The following PPP4R1 variants were observed in gnomAD, a reference collection of about 807,000 sequenced individuals.
PPP4R1 encodes protein phosphatase 4 regulatory subunit 1, also known as serine/threonine-protein phosphatase 4 regulatory subunit 1.
A neutral mutation model predicts 111.2 loss-of-function variants in PPP4R1; 42 were observed. The ratio of observed to expected loss-of-function variants is 0.38; its 90% CI spans 0.29 to 0.49. The LOEUF (loss-of-function observed/expected upper bound fraction) is 0.49, where lower values mean the gene tolerates loss of function less well. PPP4R1 is among the 20% of genes least tolerant of loss of function. The probability of loss-of-function intolerance (pLI) is 0.97; values close to 1 mark genes in which losing one functional copy is unlikely to be tolerated. For synonymous variants in PPP4R1, 409 were observed against 405.5 expected (o/e 1.01, Z -0.10); for missense variants, 1,012 against 1,161.6 (o/e 0.87, Z 1.87).
At chr18:9,603,108 TC>T (rs1304563814) in intron 2 of PPP4R1, among the ~76,000 whole-genome samples, 2 of 138,184 alleles carry the variant, frequency 1.4e-5, no homozygotes, top group African/African-American at 6.0e-5. Context: ...TTGTTTTCAC[TC>T]ATTTCATTCA....
chr18:9,588,123 T>G lies in PPP4R1; in HGVS notation c.551A>C (p.Asp184Ala). 6.2e-7 allele frequency: 1 copy of G among 1,614,188 alleles called. No individual in the cohort carries two copies. The highest frequency in any genetic ancestry group is 8.5e-7 in the Non-Finnish European group (1 of 1,180,040). The change falls in exon 6 of 20, where the codon GAT becomes GCT. Residue 184 changes from aspartate to alanine, a missense_variant. Transcript: ENST00000400556. ...CPVLIELTAP[D>A]SNDDVKTEAV... The stretch of plus-strand genomic sequence containing the variant: ...TTCTGTTTTCACATCATCATTGCTA[T>G]CTGGGGCTGTCAGCTCTATGAGGAC...
chr18:9,589,682 T>A (rs1403791707), intron 4 of PPP4R1: 1 of 152,196 alleles, frequency 6.6e-6, no homozygotes, highest in Non-Finnish European at 1.5e-5. Context: ...GCAGATCACT[T>A]GAGGTCAGGA....
At chr18:9,592,664 C>T (rs1201756233) in intron 4 of PPP4R1, among the ~76,000 whole-genome samples, 1 of 143,794 alleles carries the variant, frequency 7.0e-6, no homozygotes, top group African/African-American at 2.7e-5. Context: ...AATACACACA[C>T]ACACACTTAC....
At chr18:9,555,973 A>AAAACAAAC (rs886759220) in intron 15 of PPP4R1, among the ~76,000 whole-genome samples, 12 of 144,288 alleles carry the variant, frequency 8.3e-5, no homozygotes, top group African/African-American at 2.6e-4. Flanking sequence ...CATCTCTACT[A>AAAACAAAC]AAACAAACAA....
chr18:9,571,619 T>G (rs1330976705), intron 10 of PPP4R1, among the ~76,000 whole-genome samples: 1 of 152,000 alleles, frequency 6.6e-6, no homozygotes, highest in Non-Finnish European at 1.5e-5. Flanking sequence ...GAGTGAAGAT[T>G]AAAAGGCCTT....
Position 9,557,216 on chromosome 18 carries a change from G to A in PPP4R1, c.2190+5C>T, listed in dbSNP as rs2066602164. 3.2e-6 allele frequency: 5 copies of A among 1,565,088 alleles called. No homozygotes were observed. The highest frequency in any genetic ancestry group is 4.6e-5 in the East Asian group (2 of 43,238). ...TGTTTTTATGCAAAAAAATTTAAAA[G>A]TTACCTTCAGAAAATCATGCAAGTG... On this transcript the variant is annotated splice_donor_5th_base_variant and intron_variant, in intron 15 of 19. Transcript: ENST00000400556.
intron 6 of PPP4R1, among the ~76,000 whole-genome samples, chr18:9,585,966 T>C (rs1296154958): frequency 6.6e-6 from 1 of 152,034 alleles, no homozygotes; most frequent in East Asian, 1.9e-4. Flanking sequence ...CCCATGAAAA[T>C]CCCACCATCA....
At chr18:9,598,045 C>T (rs1296385101) in intron 2 of PPP4R1, among the ~76,000 whole-genome samples, 1 of 151,802 alleles carries the variant, frequency 6.6e-6, no homozygotes, top group Non-Finnish European at 1.5e-5. Context: ...ATGAAAAATA[C>T]ACGGGATGGG....
intron 8 of PPP4R1, 66 bp downstream of exon 8, chr18:9,584,449 C>T: frequency 7.4e-7 from 1 of 1,350,010 alleles, no homozygotes; most frequent in Non-Finnish European, 1.0e-6. Context: ...TAAATGTGTG[C>T]ATTTCAAACT....
chr18:9,605,692 G>C (rs2067470448), intron 2 of PPP4R1, among the ~76,000 whole-genome samples: 1 of 150,766 alleles, frequency 6.6e-6, no homozygotes, highest in African/African-American at 2.4e-5. Context: ...CTGAGAAATT[G>C]TTCCAAACTA....
At chr18:9,594,074 T>A (rs1361124250) in intron 3 of PPP4R1, 200 bp from the exon 4 acceptor site, 1 of 481,716 alleles carries the variant, frequency 2.1e-6, no homozygotes, top group Non-Finnish European at 3.8e-6. Context: ...ACTACAGGCA[T>A]GCACCACCAC....
chr18:9,561,378 A>G (rs930832827), intron 13 of PPP4R1, among the ~76,000 whole-genome samples: 2 of 152,070 alleles, frequency 1.3e-5, no homozygotes, highest in Non-Finnish European at 2.9e-5. Context: ...TACGATGGAG[A>G]CCACGGGTGT....
Position 9,614,426 on chromosome 18 carries a change from G to A in PPP4R1, c.7+52C>T, listed in dbSNP as rs1308521879. 1 of 1,016,936 alleles carries A rather than the reference G, an allele frequency of 9.8e-7. No individual in the cohort carries two copies. Among genetic ancestry groups the A allele is most frequent in the Non-Finnish European group, 1.2e-6 (1 of 851,670 alleles). 63.0% of individuals were successfully genotyped at this position (1,016,936 alleles called of 1,614,324 possible). The stretch of plus-strand genomic sequence containing the variant: ...GCAGCCACTCAGGGCTGCGGCGGAG[G>A]GCGGGTGGGCTCGAGGAGCCGCCGC... On this transcript the variant is annotated intron_variant, in intron 1 of 19. Transcript: ENST00000400556. This position sits in a 1 kb window ranked among gnomAD's most constrained non-coding sequence, Gnocchi z 4.1.
At chr18:9,592,752 C>T (rs1480269218) in intron 4 of PPP4R1, among the ~76,000 whole-genome samples, 2 of 150,910 alleles carry the variant, frequency 1.3e-5, no homozygotes, top group Non-Finnish European at 2.9e-5. Flanking sequence ...TCTGTCTCTA[C>T]TAAAGAACAT....
At position 9,599,293 on chromosome 18, in the gene PPP4R1, G is replaced by C. The variant is rs542769126; in HGVS notation, c.53-4140C>G. 2.6e-5 allele frequency among the ~76,000 whole-genome samples: 4 copies of C among 152,174 alleles called. 1 individual carries two copies. The South Asian group carries it at 8.3e-4, about 32-fold the overall frequency. ...TTACTTGAAGTTAGACTGTGGAAAG[G>C]TAAAAATGCATATTAATTATAAACT... On this transcript the variant is annotated intron_variant, in intron 2 of 19. Coordinates refer to ENST00000400556, the MANE Select transcript of PPP4R1 (RefSeq NM_001042388.3).
chr18:9,551,076 C>T (rs2066481352), intron 16 of PPP4R1: 1 of 152,190 alleles, frequency 6.6e-6, no homozygotes, highest in Non-Finnish European at 1.5e-5. Flanking sequence ...ATGATAAATG[C>T]ACCTGTGTAT....
At chr18:9,611,983 A>C (rs1039511037) in intron 2 of PPP4R1, among the ~76,000 whole-genome samples, 6 of 151,596 alleles carry the variant, frequency 4.0e-5, no homozygotes, top group African/African-American at 1.5e-4. Context: ...TTTGCACTCC[A>C]GCCTGGGCAA....
intron 14 of PPP4R1, 57 bp downstream of exon 14, chr18:9,559,362 C>A: frequency 7.0e-7 from 1 of 1,436,732 alleles, no homozygotes; most frequent in East Asian, 2.4e-5. Flanking sequence ...TTACAAAAAG[C>A]AAAGCACTGT....
intron 9 of PPP4R1, among the ~76,000 whole-genome samples, chr18:9,582,284 TTAGC>T (rs1041350382): frequency 6.6e-6 from 1 of 151,606 alleles, no homozygotes; most frequent in African/African-American, 2.4e-5. Context: ...TGACAAACCT[TTAGC>T]AGACTGGCCA....
Sources: allele counts gnomAD v4.1 joint callset (sites outside exome capture counted in the v4.1 genomes callset), GRCh38; gene constraint gnomAD v4.1.1; non-coding constraint Gnocchi (gnomAD v3.1); transcripts MANE v1.5; gene names NCBI Gene and HGNC (gene_info 2026-07-23, HGNC 2026-07-21).